SMAD1: variants seen among roughly 807,000 people sequenced by gnomAD.
The protein encoded by SMAD1 is SMAD family member 1, also known as MAD, mothers against decapentaplegic homolog 1.
Under a neutral mutation model 41.6 loss-of-function variants are expected in SMAD1, and 6 were observed. The observed-to-expected ratio is 0.14, with a 90% CI of 0.08 to 0.28. SMAD1 has a LOEUF of 0.28. Among genes scored for constraint, SMAD1 ranks in the 10% least tolerant of loss-of-function variants. The probability of loss-of-function intolerance (pLI) is 1.00; values close to 1 mark genes in which losing one functional copy is unlikely to be tolerated. For missense variants in SMAD1, 379 were observed against 582.6 expected, an observed-to-expected ratio of 0.65 and a Z score of 3.60; for synonymous variants, 206 against 203.2, an observed-to-expected ratio of 1.01 and a Z score of -0.12.
At chr4:145,499,696 A>AAG (rs1729313663) in intron 1 of SMAD1, among the ~76,000 whole-genome samples, 1 of 152,224 alleles carries the variant, frequency 6.6e-6, no homozygotes, top group East Asian at 1.9e-4. Flanking sequence ...CTTGGGTCCC[A>AAG]TCCCCAAGAT....
intron 2 of SMAD1, 72 bp from the exon 3 acceptor site, chr4:145,539,732 A>G: frequency 6.9e-7 from 1 of 1,445,776 alleles, no homozygotes; most frequent in Non-Finnish European, 9.6e-7. Flanking sequence ...ATTATGTTTT[A>G]CTTTATTGTG....
chr4:145,548,591 TAATA>T (rs544114866), intron 5 of SMAD1, among the ~76,000 whole-genome samples: 123 of 152,266 alleles, frequency 8.1e-4, no homozygotes, highest in African/African-American at 2.8e-3. Flanking sequence ...TCCATACTCA[TAATA>T]AATAGATAGA....
At chr4:145,555,660 C>T (rs980924509) in intron 6 of SMAD1, among the ~76,000 whole-genome samples, 3 of 152,130 alleles carry the variant, frequency 2.0e-5, no homozygotes, top group African/African-American at 4.8e-5. Flanking sequence ...TTTACTTTTA[C>T]ACAAGTAAAA....
intron 1 of SMAD1, chr4:145,497,073 T>C (rs1289354751): frequency 6.6e-6 from 1 of 152,254 alleles, no homozygotes; most frequent in Non-Finnish European, 1.5e-5. Context: ...TTCTCTAGAA[T>C]TTACTATGTT....
At chr4:145,521,718 A>G (rs1045421249) in intron 2 of SMAD1, among the ~76,000 whole-genome samples, 6 of 152,162 alleles carry the variant, frequency 3.9e-5, no homozygotes, top group South Asian at 2.1e-4. Context: ...AAAGTGAGAG[A>G]TCCTTGGGGT....
intron 1 of SMAD1, chr4:145,484,859 T>C (rs1245224352): frequency 6.6e-6 from 1 of 152,202 alleles, no homozygotes; most frequent in Non-Finnish European, 1.5e-5. Context: ...GAATTTTCAC[T>C]GTATTGATAT....
chr4:145,508,034 T>G (rs139970730), intron 1 of SMAD1, among the ~76,000 whole-genome samples: 83 of 152,240 alleles, frequency 5.5e-4, no homozygotes, highest in African/African-American at 2.0e-3. Flanking sequence ...CTCAAGACAT[T>G]TACCACCTAA....
Position 145,558,058 on chromosome 4 carries a change from T to G in SMAD1, c.*124T>G. ...ATAATACTTGACCTCTGTGACCAACTGTTGGATTCAGAAATTTAAACAAAA... is the reference window on the plus strand; with the variant it reads ...ATAATACTTGACCTCTGTGACCAACGGTTGGATTCAGAAATTTAAACAAAA... On this transcript the variant is annotated 3_prime_UTR_variant, in exon 7 of 7. Coordinates refer to ENST00000302085, the MANE Select transcript of SMAD1 (RefSeq NM_005900.3). 1 of 551,754 alleles carries G rather than the reference T, an allele frequency of 1.8e-6. No homozygotes were observed. Among genetic ancestry groups the G allele is most frequent in the Non-Finnish European group, 2.9e-6 (1 of 344,690 alleles). 34.2% of individuals were successfully genotyped at this position (551,754 alleles called of 1,614,324 possible). A position where few individuals can be genotyped will look rare whatever the true frequency, so the allele number is the denominator to read the frequency against.
At chr4:145,533,604 A>G (rs982553414) in intron 2 of SMAD1, among the ~76,000 whole-genome samples, 1 of 152,124 alleles carries the variant, frequency 6.6e-6, no homozygotes, top group African/African-American at 2.4e-5. Flanking sequence ...GGATCGCTTA[A>G]GCCCAGGAGT....
intron 2 of SMAD1, among the ~76,000 whole-genome samples, chr4:145,531,489 C>T (rs1731315052): frequency 6.6e-6 from 1 of 152,120 alleles, no homozygotes. Flanking sequence ...TAGGTGGCCT[C>T]ACTGAAATGT....
At chr4:145,515,831 A>G (rs186400157) in intron 2 of SMAD1, among the ~76,000 whole-genome samples, 44 of 152,266 alleles carry the variant, frequency 2.9e-4, no homozygotes, top group Non-Finnish European at 6.2e-4. Context: ...CTAAGGCTGT[A>G]TATTAGAATC....
rs960004722 is a variant in SMAD1, at chr4:145,518,362, G to A, written c.400+3349G>A. ...AAATAAGCCTGGCGAGGTGGGGGGC[G>A]CCTGTAATCCCAGCTACTCGGGAGG... On this transcript the variant is annotated intron_variant, in intron 2 of 6. Transcript: ENST00000302085. 1.8e-4 allele frequency among the ~76,000 whole-genome samples: 23 copies of A among 124,880 alleles called. 2 individuals carry two copies. Among genetic ancestry groups the A allele is most frequent in the Admixed American group, 6.0e-4 (8 of 13,262 alleles). The allele number at this position is 124,880 out of a possible 152,430, so 81.9% of individuals were successfully genotyped here.
At position 145,515,145 on chromosome 4, in the gene SMAD1, T is replaced by TGC. The variant is rs1332461134; in HGVS notation, c.400+133_400+134insCG. The TGC allele has an allele frequency of 4.5e-5, 28 of 628,742 alleles. No homozygotes were observed. In the East Asian group the frequency reaches 6.4e-4, roughly 14 times the overall value. The allele number at this position is 628,742 out of a possible 1,614,324, so 38.9% of individuals were successfully genotyped here. Reference sequence around the variant, plus strand: ...AATATTTGGGGAAACTGTGTGTGTGTGTGTGTGTGTGTGTGTGTGTGTGTG... The same window carrying TGC: ...AATATTTGGGGAAACTGTGTGTGTGTGCGTGTGTGTGTGTGTGTGTGTGTGTG... On this transcript the variant is annotated intron_variant, in intron 2 of 6. Coordinates refer to ENST00000302085, the MANE Select transcript of SMAD1 (RefSeq NM_005900.3).
chr4:145,499,971 G>A lies in SMAD1; in HGVS notation c.-176-14467G>A, dbSNP rs527387720. Reference sequence around the variant, plus strand: ...CTCAGTCTTACAGTTCCCATAATACGGGTTTTCATACTTCTAAAAATTAAA... The same window carrying A: ...CTCAGTCTTACAGTTCCCATAATACAGGTTTTCATACTTCTAAAAATTAAA... On this transcript the variant is annotated intron_variant, in intron 1 of 6. Coordinates refer to ENST00000302085, the MANE Select transcript of SMAD1 (RefSeq NM_005900.3). 5.3e-5 allele frequency among the ~76,000 whole-genome samples: 8 copies of A among 152,002 alleles called. 1 individual carries two copies. In the South Asian group the frequency reaches 1.5e-3, roughly 28 times the overall value.
intron 1 of SMAD1, among the ~76,000 whole-genome samples, chr4:145,495,616 CTT>C (rs58468364): frequency 3.9e-4 from 50 of 126,996 alleles, no homozygotes; most frequent in Non-Finnish European, 4.2e-4. Context: ...AATTAATTTC[CTT>C]TTTTTTTTTT....
rs188786157 is a variant in SMAD1, at chr4:145,537,171, A to T, written c.401-2633A>T. 2.2e-4 allele frequency among the ~76,000 whole-genome samples: 34 copies of T among 152,316 alleles called. No homozygotes were observed. In the East Asian group the frequency reaches 6.4e-3, roughly 28 times the overall value. On this transcript the variant is annotated intron_variant, in intron 2 of 6. Transcript: ENST00000302085. ...AATTGCTACATAGGACATGGTTGAG[A>T]CAGTTGACAGAGTTGGAATATGATT...
intron 1 of SMAD1, among the ~76,000 whole-genome samples, chr4:145,496,028 T>A (rs1444425114): frequency 6.6e-6 from 1 of 152,156 alleles, no homozygotes; most frequent in Non-Finnish European, 1.5e-5. Flanking sequence ...TTCTGATGTC[T>A]TGTTGAATGA....
chr4:145,552,890 A>G (rs11736932), intron 5 of SMAD1, among the ~76,000 whole-genome samples: 52,393 of 146,076 alleles, frequency 0.36, 10,428 homozygotes, highest in Non-Finnish European at 0.46. Context: ...TGAAATTGCT[A>G]CATGTTGTTG....
chr4:145,553,464 C>G (rs1732666093), intron 5 of SMAD1, among the ~76,000 whole-genome samples: 1 of 152,136 alleles, frequency 6.6e-6, no homozygotes, highest in African/African-American at 2.4e-5. Flanking sequence ...CTTGATCCCT[C>G]CCATGCACAG....
Sources: allele counts gnomAD v4.1 joint callset (sites outside exome capture counted in the v4.1 genomes callset), GRCh38; gene constraint gnomAD v4.1.1; transcripts MANE v1.5; gene names NCBI Gene and HGNC (gene_info 2026-07-23, HGNC 2026-07-21).